The following PRDM5 variants were observed in gnomAD, a reference collection of about 807,000 sequenced individuals.
PRDM5 encodes PR/SET domain 5, also known as PR domain zinc finger protein 5.
PRDM5 carries 56 observed loss-of-function variants against 81.2 expected under a neutral mutation model. The observed-to-expected ratio is 0.69, with a 90% CI of 0.56 to 0.86. The LOEUF is 0.86. Ranked by LOEUF, PRDM5 falls within the 40% of genes least tolerant of loss-of-function variation. The pLI, the probability that PRDM5 is intolerant of heterozygous loss-of-function variation, is 0.00. For synonymous variants in PRDM5, 267 were observed against 256.4 expected, an observed-to-expected ratio of 1.04 and a Z score of -0.39; for missense variants, 697 against 770.1, an observed-to-expected ratio of 0.91 and a Z score of 1.12.
intron 14 of PRDM5, among the ~76,000 whole-genome samples, chr4:120,750,379 G>A (rs1292200322): frequency 6.6e-6 from 1 of 152,176 alleles, no homozygotes; most frequent in Non-Finnish European, 1.5e-5. Flanking sequence ...GCCAGTGGCG[G>A]GACAAAGGCA....
At chr4:120,828,901 G>A (rs540337748) in intron 3 of PRDM5, among the ~76,000 whole-genome samples, 37 of 152,122 alleles carry the variant, frequency 2.4e-4, no homozygotes, top group Non-Finnish European at 1.2e-4. Context: ...CTTATCATCA[G>A]TACTCTTATT....
chr4:120,904,213 A>AAAAAAAAAAAAAAAAT (rs1765542311), intron 2 of PRDM5, among the ~76,000 whole-genome samples: 1 of 147,094 alleles, frequency 6.8e-6, no homozygotes, highest in Admixed American at 6.8e-5. Context: ...AAACAAAAAA[A>AAAAAAAAAAAAAAAAT]CCTCCTTCCT....
At chr4:120,901,345 TA>T (rs1765201627) in intron 2 of PRDM5, among the ~76,000 whole-genome samples, 1 of 152,358 alleles carries the variant, frequency 6.6e-6, no homozygotes, top group South Asian at 2.1e-4. Context: ...CTGGATTTTG[TA>T]ATATGCAATT....
At chr4:120,775,102 C>T (rs1410712125) in intron 13 of PRDM5, among the ~76,000 whole-genome samples, 1 of 151,312 alleles carries the variant, frequency 6.6e-6, no homozygotes, top group Non-Finnish European at 1.5e-5. Context: ...ATAACCAGTT[C>T]TCTTGATCAG....
At chr4:120,729,591 ACTCATATTGAAAATG>A (rs1224721458) in intron 14 of PRDM5, among the ~76,000 whole-genome samples, 1 of 152,180 alleles carries the variant, frequency 6.6e-6, no homozygotes, top group Non-Finnish European at 1.5e-5. Context: ...GATATGAAAG[ACTCATATTGAAAATG>A]CTGTTTTGAT....
At chr4:120,756,175 T>G (rs1337608032) in intron 13 of PRDM5, among the ~76,000 whole-genome samples, 2 of 152,192 alleles carry the variant, frequency 1.3e-5, no homozygotes, top group Non-Finnish European at 2.9e-5. Context: ...TAACCCTGAG[T>G]TGATAACACA....
chr4:120,846,539 C>T (rs35177247), intron 3 of PRDM5, among the ~76,000 whole-genome samples: 47,131 of 152,024 alleles, frequency 0.31, 7,552 homozygotes, highest in East Asian at 0.52. Context: ...AATGCTACTG[C>T]ACACTTAATA....
intron 14 of PRDM5, among the ~76,000 whole-genome samples, chr4:120,741,984 C>T (rs1742086100): frequency 6.6e-6 from 1 of 152,240 alleles, no homozygotes; most frequent in Admixed American, 6.5e-5. Context: ...AGGGCACAGA[C>T]AAACAAAAAG....
At chr4:120,892,163 G>C (rs1457573777) in intron 2 of PRDM5, among the ~76,000 whole-genome samples, 1 of 152,114 alleles carries the variant, frequency 6.6e-6, no homozygotes, top group African/African-American at 2.4e-5. Flanking sequence ...TCGCACTGTG[G>C]TCTGAAAGTG....
intron 12 of PRDM5, among the ~76,000 whole-genome samples, chr4:120,779,251 G>T (rs1470575492): frequency 6.6e-6 from 1 of 151,240 alleles, no homozygotes. Context: ...GACATTAAAG[G>T]TATAATACTA....
At chr4:120,805,028 A>G (rs986629509) in intron 8 of PRDM5, among the ~76,000 whole-genome samples, 2 of 152,164 alleles carry the variant, frequency 1.3e-5, no homozygotes, top group East Asian at 1.9e-4. Context: ...TATCACCACC[A>G]ATCCCACAGA....
At chr4:120,790,637 A>G (rs1400596143) in intron 10 of PRDM5, among the ~76,000 whole-genome samples, 1 of 152,214 alleles carries the variant, frequency 6.6e-6, no homozygotes, top group Non-Finnish European at 1.5e-5. Flanking sequence ...CCTATGAAAA[A>G]AATCACGTTC....
chr4:120,816,488 T>G lies in PRDM5; in HGVS notation c.830A>C (p.Asp277Ala), dbSNP rs1409904566. The G allele has an allele frequency of 1.2e-6, 2 of 1,614,092 alleles. No individual in the cohort carries two copies. The highest frequency in any genetic ancestry group is 1.3e-5 in the African/African-American group (1 of 74,944). ...DSCGKRLKSK[D>A]ALKRHQENVH... ...ATTTTCCTGGTGTCTTTTCAGGGCA[T>G]CCTTGCTCTTCAGCCTCTTTCCACA... The change falls in exon 7 of 16, where the codon GAT (aspartate) becomes GCT (alanine). Residue 277 changes from aspartate to alanine, a missense_variant. By Grantham distance (126) the Asp-to-Ala change is moderately radical. This residue lies in a region of PRDM5 where 577 missense variants were observed against 606.7 expected (regional missense o/e 0.95). Coordinates refer to ENST00000264808, the MANE Select transcript of PRDM5 (RefSeq NM_018699.4).
chr4:120,699,355 A>G (rs1207412871), intron 15 of PRDM5, among the ~76,000 whole-genome samples: 1 of 151,358 alleles, frequency 6.6e-6, no homozygotes, highest in African/African-American at 2.4e-5. Flanking sequence ...ATTATTTTCA[A>G]TCTGCATTTC....
intron 13 of PRDM5, among the ~76,000 whole-genome samples, chr4:120,772,880 A>C (rs1747503817): frequency 6.6e-6 from 1 of 152,214 alleles, no homozygotes; most frequent in South Asian, 2.1e-4. Context: ...ATGGTATAAA[A>C]GTAATGGTGA....
intron 15 of PRDM5, among the ~76,000 whole-genome samples, chr4:120,707,088 A>T (rs1736280538): frequency 6.6e-6 from 1 of 152,082 alleles, no homozygotes; most frequent in Non-Finnish European, 1.5e-5. Flanking sequence ...TTAACTTAAT[A>T]ATAAAGTCAG....
chr4:120,685,555 A>C (rs939987704), intron 1 of PRDM5, among the ~76,000 whole-genome samples: 2 of 152,120 alleles, frequency 1.3e-5, no homozygotes, highest in African/African-American at 4.8e-5. Context: ...TGTAAGCTGG[A>C]ATGCTGCGGA....
chr4:120,885,088 T>C (rs2148599042), intron 2 of PRDM5, among the ~76,000 whole-genome samples: 1 of 131,248 alleles, frequency 7.6e-6, no homozygotes, highest in Middle Eastern at 4.8e-3. Context: ...TGAGCCGAGA[T>C]CGCGCCACTG....
chr4:120,858,334 C>T (rs991752176), intron 2 of PRDM5, among the ~76,000 whole-genome samples: 15 of 152,088 alleles, frequency 9.9e-5, no homozygotes, highest in African/African-American at 3.6e-4. Flanking sequence ...ATCCAGACTT[C>T]AGGATATCTT....
Sources: allele counts gnomAD v4.1 joint callset (sites outside exome capture counted in the v4.1 genomes callset), GRCh38; gene constraint gnomAD v4.1.1; regional missense constraint gnomAD v4.1.1; transcripts MANE v1.5; gene names NCBI Gene and HGNC (gene_info 2026-07-23, HGNC 2026-07-21).